The following FAH variants were observed in gnomAD, a reference collection of about 807,000 sequenced individuals.
The protein encoded by FAH is fumarylacetoacetase.
A neutral mutation model predicts 55.8 loss-of-function variants in FAH; 47 were observed. The ratio of observed to expected loss-of-function variants is 0.84; its 90% confidence interval spans 0.67 to 1.07. The LOEUF (loss-of-function observed/expected upper bound fraction) is 1.07, where lower values mean the gene tolerates loss of function less well. FAH is among the 50% of genes least tolerant of loss of function. The pLI, the probability that FAH is intolerant of heterozygous loss-of-function variation, is 0.00. For synonymous variants in FAH, 199 were observed against 207.7 expected, an observed-to-expected ratio of 0.96 and a Z score of 0.36; for missense variants, 495 against 545.9, an observed-to-expected ratio of 0.91 and a Z score of 0.93.
rs758685960 is a variant in FAH, at chr15:80,153,096, C to T, written c.42C>T (p.Ile14=). 5.6e-6 allele frequency: 9 copies of T among 1,613,842 alleles called. No homozygotes were observed. In the South Asian group the frequency reaches 9.9e-5, roughly 18 times the overall value. The stretch of plus-strand genomic sequence containing the variant: ...TGGCCGAGGATTCCGACTTCCCCAT[C>T]CACAACCTGCCCTACGGCGTCTTCT... ...IPVAEDSDFP[I]HNLPYGVFST... The change falls in exon 1 of 14, where the codon ATC becomes ATT. Residue 14 remains isoleucine (I), a synonymous_variant. Transcript: ENST00000561421.
chr15:80,173,922 G>C (rs112548023), intron 9 of FAH, among the ~76,000 whole-genome samples: 191 of 152,232 alleles, frequency 1.3e-3, no homozygotes, highest in African/African-American at 3.6e-3. Context: ...ATCTCACCAC[G>C]CATTTGCTGG....
At position 80,154,713 on chromosome 15, in the gene FAH, A is replaced by AT. The variant is rs199614995; in HGVS notation, c.81+1587dup. Among the ~76,000 whole-genome samples, 1,184 of 151,708 alleles carry AT rather than the reference A, an allele frequency of 7.8e-3. 15 individuals are homozygous for AT. Among genetic ancestry groups the AT allele is most frequent in the African/African-American group, 0.026 (1,087 of 41,394 alleles). ...AATGAATCCTGCCATCACTTTATTC[A>AT]TTTTTTTTTATTCAGCGAATGCTTA... On this transcript the variant is annotated intron_variant, in intron 1 of 13. Transcript: ENST00000561421.
At chr15:80,181,787 C>G (rs2041333335) in intron 13 of FAH, among the ~76,000 whole-genome samples, 1 of 152,156 alleles carries the variant, frequency 6.6e-6, no homozygotes, top group Non-Finnish European at 1.5e-5. Context: ...GCTCTCTCAT[C>G]CAATCTGGAG....
chr15:80,180,297 C>T, intron 12 of FAH, 72 bp downstream of exon 12: 1 of 1,245,590 alleles, frequency 8.0e-7, no homozygotes, highest in Non-Finnish European at 1.2e-6. Flanking sequence ...CAAGGGCCCT[C>T]AGCTCAGCCT....
At chr15:80,174,490 G>T (rs1337887113) in intron 9 of FAH, among the ~76,000 whole-genome samples, 1 of 152,158 alleles carries the variant, frequency 6.6e-6, no homozygotes. Flanking sequence ...ACGATCTCAT[G>T]TCCCGTGGGT....
chr15:80,167,959 C>T (rs923732324), intron 5 of FAH, 93 bp from the exon 6 acceptor site: 8 of 1,006,220 alleles, frequency 8.0e-6, no homozygotes, highest in East Asian at 2.4e-5. Context: ...GTGTATGTGG[C>T]GACTCTTTGT....
In FAH at chr15:80,184,577, T is replaced by C. The variant is rs182315995; in HGVS notation, c.1181-1553T>C. On this transcript the variant is annotated intron_variant, in intron 13 of 13. Coordinates refer to ENST00000561421, the MANE Select transcript of FAH (RefSeq NM_000137.4). ...GAGCCAGTTTTACTTTAATAGGCTT[T>C]TTTTTTCACCCCAGTGGTGTGGATA... is the stretch of plus-strand genomic sequence containing the variant. Among the ~76,000 whole-genome samples the C allele has an allele frequency of 6.6e-5, 10 of 152,232 alleles. No individual in the cohort carries two copies. In the East Asian group the frequency reaches 1.7e-3, roughly 26 times the overall value.
rs1451583156 is a variant in FAH, at chr15:80,159,784, G to C, written c.221G>C (p.Gly74Ala). The change falls in exon 3 of 14, where the codon GGT (glycine) becomes GCT (alanine). Residue 74 changes from glycine to alanine, a missense_variant. By Grantham distance (60) the Gly-to-Ala change is moderately conservative. Transcript: ENST00000561421. ...ACACTCAACAGCTTCATGGGCCTGG[G>C]TCAGGCTGCCTGGAAGGAGGCGAGA... Reference protein sequence around the residue: ...QPTLNSFMGLGQAAWKEARVF... With the variant: ...QPTLNSFMGLAQAAWKEARVF... 2 of 1,614,220 alleles carry C rather than the reference G, an allele frequency of 1.2e-6. No individual in the cohort carries two copies. The highest frequency in any genetic ancestry group is 1.7e-6 in the Non-Finnish European group (2 of 1,180,042).
At chr15:80,152,863 C>T (rs1342197490), upstream of FAH, 3 of 463,604 alleles carry the variant, frequency 6.5e-6, no homozygotes, top group Non-Finnish European at 1.1e-5. Context: ...GGGCAGGGCT[C>T]GGGGTTCGGG....
rs1285589133 is a variant in FAH at position 80,161,924 on chromosome 15, C to T, written c.365-322C>T. 3.9e-5 allele frequency among the ~76,000 whole-genome samples: 6 copies of T among 152,074 alleles called. No individual in the cohort carries two copies. The South Asian group carries it at 6.2e-4, about 16-fold the overall frequency. On this transcript the variant is annotated intron_variant, in intron 4 of 13. Coordinates refer to ENST00000561421, the MANE Select transcript of FAH (RefSeq NM_000137.4). ...CGTGGTGAGGGAGCCTGTGGGAACT[C>T]GGGAATGGCAGTTGTGTGTGGGAAA...
intron 4 of FAH, 57 bp from the exon 5 acceptor site, chr15:80,162,189 C>A: frequency 7.4e-7 from 1 of 1,350,786 alleles, no homozygotes; most frequent in South Asian, 1.2e-5. Context: ...TGGAACAGTC[C>A]ATTCTTCCTG....
At chr15:80,177,119 C>T (rs1436303108) in intron 10 of FAH, among the ~76,000 whole-genome samples, 1 of 152,202 alleles carries the variant, frequency 6.6e-6, no homozygotes, top group African/African-American at 2.4e-5. Flanking sequence ...TGGAGGAGCT[C>T]GGCAGGGGAC....
At chr15:80,176,398 G>A (rs911085349) in intron 10 of FAH, among the ~76,000 whole-genome samples, 1 of 152,136 alleles carries the variant, frequency 6.6e-6, no homozygotes, top group African/African-American at 2.4e-5. Context: ...CCAGGGTCTC[G>A]GCCCTTCATG....
At chr15:80,153,588 G>A (rs559686894) in intron 1 of FAH, among the ~76,000 whole-genome samples, 7 of 152,260 alleles carry the variant, frequency 4.6e-5, no homozygotes, top group African/African-American at 1.7e-4. Context: ...ATGCGTAGCA[G>A]GTCAGAGGGG....
chr15:80,168,249 C>A lies in FAH; in HGVS notation c.554-15C>A, dbSNP rs774367598. 34 of 1,179,694 alleles carry A rather than the reference C, an allele frequency of 2.9e-5. No individual in the cohort carries two copies. Among genetic ancestry groups the A allele is most frequent in the Admixed American group, 4.3e-5 (2 of 46,876 alleles). The allele number at this position is 1,179,694 out of a possible 1,614,324, so 73.1% of individuals were successfully genotyped here. A position where few individuals can be genotyped will look rare whatever the true frequency, so the allele number is the denominator to read the frequency against. The stretch of plus-strand genomic sequence containing the variant: ...TCACAGCACCGTTTTTTTTTTTTTT[C>A]TGGTGTTATTCCAGCTAAGCCTCCC... On this transcript the variant is annotated splice_polypyrimidine_tract_variant and intron_variant, in intron 6 of 13. Coordinates refer to ENST00000561421, the MANE Select transcript of FAH (RefSeq NM_000137.4).
At chr15:80,164,808 A>C (rs1054724602) in intron 5 of FAH, among the ~76,000 whole-genome samples, 8 of 152,252 alleles carry the variant, frequency 5.3e-5, no homozygotes, top group Non-Finnish European at 1.0e-4. Flanking sequence ...GCTCTTCCTC[A>C]GCCACTCACC....
intron 9 of FAH, 147 bp from the exon 10 acceptor site, chr15:80,174,869 G>T (rs141092274): frequency 2.6e-4 from 190 of 719,178 alleles, no homozygotes; most frequent in Middle Eastern, 1.8e-3. Flanking sequence ...ACACAGTGCT[G>T]GGTCCCTGGA....
At position 80,170,789 on chromosome 15, in the gene FAH, G is replaced by A. The variant is rs139982493; in HGVS notation, c.607-1360G>A. Among the ~76,000 whole-genome samples the A allele has an allele frequency of 3.0e-3, 454 of 152,328 alleles. 2 individuals are homozygous for A. The highest frequency in any genetic ancestry group is 0.01 in the Middle Eastern group (3 of 294). On this transcript the variant is annotated intron_variant, in intron 7 of 13. Coordinates refer to ENST00000561421, the MANE Select transcript of FAH (RefSeq NM_000137.4). ...TTTTTTTCATCTTGATGAAAAATTT[G>A]CAATGTTTAACTATTGTCACAGAAC...
intron 7 of FAH, among the ~76,000 whole-genome samples, chr15:80,171,617 T>C (rs2041241181): frequency 6.6e-6 from 1 of 152,124 alleles, no homozygotes; most frequent in Non-Finnish European, 1.5e-5. Flanking sequence ...TGTGCCACCA[T>C]GCCTGGCTAA....
Sources: gnomAD v4.1 joint callset for allele counts (sites outside exome capture counted in the v4.1 genomes callset) on GRCh38, gnomAD v4.1.1 for gene constraint, MANE v1.5 for transcripts, NCBI Gene and HGNC (gene_info 2026-07-23, HGNC 2026-07-21) for gene names.